The following PPA2 variants were observed in gnomAD, a reference collection of about 807,000 sequenced individuals.
PPA2 encodes the protein inorganic pyrophosphatase 2, mitochondrial.
In PPA2, 48 loss-of-function variants were observed where a neutral mutation model predicts 49.5. The observed-to-expected ratio is 0.97, with a 90% CI of 0.77 to 1.23. The LOEUF (loss-of-function observed/expected upper bound fraction) is 1.23, where lower values mean the gene tolerates loss of function less well. Among genes scored for constraint, PPA2 ranks in the 50% most tolerant of loss-of-function variants. The pLI is 0.00. For synonymous variants in PPA2, 131 were observed against 139.9 expected, an observed-to-expected ratio of 0.94 and a Z score of 0.45; for missense variants, 429 against 410.1, an observed-to-expected ratio of 1.05 and a Z score of -0.40.
At chr4:105,467,267 T>G (rs1723342945) in intron 1 of PPA2, among the ~76,000 whole-genome samples, 1 of 152,112 alleles carries the variant, frequency 6.6e-6, no homozygotes, top group Non-Finnish European at 1.5e-5. Flanking sequence ...AGCACAGATC[T>G]GAATGAAGTG....
intron 7 of PPA2, among the ~76,000 whole-genome samples, chr4:105,415,582 G>A (rs1578837527): frequency 6.6e-6 from 1 of 152,210 alleles, no homozygotes; most frequent in African/African-American, 2.4e-5. Flanking sequence ...AGAGTGCAGG[G>A]ATGCCCAGGT....
At chr4:105,428,413 TAA>T (rs780251008) in intron 6 of PPA2, among the ~76,000 whole-genome samples, 87 of 151,444 alleles carry the variant, frequency 5.7e-4, no homozygotes, top group Non-Finnish European at 1.1e-3. Flanking sequence ...GCAAATTGGA[TAA>T]AGAGTCAAGA....
At chr4:105,435,135 G>T (rs1425649644) in intron 6 of PPA2, among the ~76,000 whole-genome samples, 1 of 152,106 alleles carries the variant, frequency 6.6e-6, no homozygotes, top group Non-Finnish European at 1.5e-5. Context: ...ACAATGCGGT[G>T]TTAAAAGTGA....
At chr4:105,382,966 G>T (rs959726297) in intron 10 of PPA2, among the ~76,000 whole-genome samples, 1 of 151,778 alleles carries the variant, frequency 6.6e-6, no homozygotes, top group Non-Finnish European at 1.5e-5. Context: ...TCATGCCACT[G>T]CACTCTAGCC....
intron 9 of PPA2, among the ~76,000 whole-genome samples, chr4:105,387,772 G>GC (rs1327841812): frequency 4.7e-5 from 3 of 63,258 alleles, no homozygotes; most frequent in Admixed American, 2.4e-4. Flanking sequence ...TAAAAGTTGA[G>GC]GGGGAAAAAA....
chr4:105,449,462 G>A (rs183974380), intron 3 of PPA2, 59 bp from the exon 4 acceptor site: 68 of 1,073,304 alleles, frequency 6.3e-5, no homozygotes, highest in African/African-American at 1.9e-4. Context: ...TATTTTTTCC[G>A]TTACCTCCCT....
At chr4:105,463,016 A>G (rs1723156503) in intron 1 of PPA2, among the ~76,000 whole-genome samples, 2 of 152,250 alleles carry the variant, frequency 1.3e-5, no homozygotes, top group Non-Finnish European at 2.9e-5. Flanking sequence ...GTACCAGTAG[A>G]GTGCGGTGCT....
chr4:105,449,117 T>C lies in PPA2; in HGVS notation c.321+233A>G, dbSNP rs1027637581. ...CTGTAGTCCTAGCTACTTGGGAGGC[T>C]GAGGCAGGAGAATGGCGTGAACCCG... is the stretch of plus-strand genomic sequence containing the variant. On this transcript the variant is annotated intron_variant, in intron 4 of 11. Transcript: ENST00000341695. Among the ~76,000 whole-genome samples, 9 of 135,600 alleles carry C rather than the reference T, an allele frequency of 6.6e-5. 1 individual carries two copies. The highest frequency in any genetic ancestry group is 2.6e-4 in the African/African-American group (8 of 31,070). The allele number at this position is 135,600 out of a possible 152,430, so 89.0% of individuals were successfully genotyped here.
chr4:105,380,064 C>G (rs940305061), intron 10 of PPA2, among the ~76,000 whole-genome samples: 6 of 152,210 alleles, frequency 3.9e-5, no homozygotes, highest in African/African-American at 1.4e-4. Flanking sequence ...ATCTGAATGG[C>G]TTTTGCTTCT....
chr4:105,445,344 A>G (rs978498642), intron 5 of PPA2, among the ~76,000 whole-genome samples: 1 of 152,160 alleles, frequency 6.6e-6, no homozygotes, highest in Non-Finnish European at 1.5e-5. Flanking sequence ...AAGTACCTGG[A>G]GAGTTAGAAA....
At chr4:105,463,150 CTTG>C (rs1203448603) in intron 1 of PPA2, among the ~76,000 whole-genome samples, 2 of 152,174 alleles carry the variant, frequency 1.3e-5, no homozygotes, top group Admixed American at 6.5e-5. Context: ...TCCCGAGAGA[CTTG>C]TTAAGTGGCT....
In PPA2 at chr4:105,458,818, CAAAAAAAAAAAAAA is replaced by C. The variant is rs57073135; in HGVS notation, c.158-2087_158-2074del. Among the ~76,000 whole-genome samples, 66 of 31,538 alleles carry C rather than the reference CAAAAAAAAAAAAAA, an allele frequency of 2.1e-3. 1 individual carries two copies. The South Asian group carries it at 0.081, about 39-fold the overall frequency. The allele number at this position is 31,538 out of a possible 152,430, so 20.7% of individuals were successfully genotyped here. On this transcript the variant is annotated intron_variant, in intron 1 of 11. Coordinates refer to ENST00000341695, the MANE Select transcript of PPA2 (RefSeq NM_176869.3). ...GCCTGGCGACACAAGACTCCACCTC[CAAAAAAAAAAAAAA>C]AAAAAAAAAAAAAGGCATGTAACTT...
intron 7 of PPA2, among the ~76,000 whole-genome samples, chr4:105,409,632 C>T (rs1226217134): frequency 1.3e-5 from 2 of 152,232 alleles, no homozygotes; most frequent in African/African-American, 4.8e-5. Context: ...GCAGACACCT[C>T]CCAGTAGGGG....
chr4:105,408,567 T>G (rs901875139), intron 7 of PPA2, among the ~76,000 whole-genome samples: 4 of 152,136 alleles, frequency 2.6e-5, no homozygotes, highest in South Asian at 2.1e-4. Context: ...TGAAAGATAT[T>G]TGAGGTCAAA....
intron 5 of PPA2, among the ~76,000 whole-genome samples, chr4:105,440,356 G>T (rs1427249154): frequency 6.6e-6 from 1 of 151,554 alleles, no homozygotes; most frequent in Non-Finnish European, 1.5e-5. Context: ...CCGCCTCCTG[G>T]GTTCAAGCGA....
At chr4:105,380,768 TA>T (rs1006520077) in intron 10 of PPA2, among the ~76,000 whole-genome samples, 2 of 152,258 alleles carry the variant, frequency 1.3e-5, no homozygotes, top group South Asian at 2.1e-4. Context: ...CTATTGCTTT[TA>T]AAAAAATACA....
chr4:105,423,978 A>C (rs181240280), intron 7 of PPA2, among the ~76,000 whole-genome samples: 130 of 152,270 alleles, frequency 8.5e-4, no homozygotes, highest in Admixed American at 1.6e-3. Flanking sequence ...AAGAGGAAGA[A>C]AGTGAAAGAG....
At chr4:105,473,607 C>T (rs752744732) in intron 1 of PPA2, 5 of 648,872 alleles carry the variant, frequency 7.7e-6, no homozygotes, top group South Asian at 4.2e-5. Context: ...GCCTACCCCT[C>T]GGGGAGGGCG....
At chr4:105,425,751 CACACACACACA>C (rs1723473500) in intron 6 of PPA2, among the ~76,000 whole-genome samples, 1 of 151,560 alleles carries the variant, frequency 6.6e-6, no homozygotes, top group African/African-American at 2.4e-5. Flanking sequence ...CACACACACA[CACACACACACA>C]CCCATCAGAA....
Sources: allele counts gnomAD v4.1 joint callset (sites outside exome capture counted in the v4.1 genomes callset), GRCh38; gene constraint gnomAD v4.1.1; transcripts MANE v1.5; gene names NCBI Gene and HGNC (gene_info 2026-07-23, HGNC 2026-07-21).